The following SYT1 variants were observed in gnomAD, a reference collection of about 807,000 sequenced individuals.
The protein encoded by SYT1 is synaptotagmin-1.
SYT1 carries 8 observed loss-of-function variants against 44.8 expected under a neutral mutation model. The observed-to-expected ratio is 0.18, with a 90% CI of 0.10 to 0.32. SYT1 has a LOEUF of 0.32. SYT1 is among the 10% of genes least tolerant of loss of function. The pLI, the probability that SYT1 is intolerant of heterozygous loss-of-function variation, is 1.00. For synonymous variants in SYT1, 154 were observed against 188.8 expected, an observed-to-expected ratio of 0.82 and a Z score of 1.51; for missense variants, 286 against 509.3, an observed-to-expected ratio of 0.56 and a Z score of 4.22.
At chr12:78,872,591 T>C (rs1193936429) in intron 1 of SYT1, among the ~76,000 whole-genome samples, 1 of 151,818 alleles carries the variant, frequency 6.6e-6, no homozygotes, top group Non-Finnish European at 1.5e-5. Context: ...TCTCATGTCT[T>C]CTCTTCCTAC....
At chr12:79,012,347 A>G (rs568704681) in intron 2 of SYT1, among the ~76,000 whole-genome samples, 38 of 152,200 alleles carry the variant, frequency 2.5e-4, no homozygotes, top group African/African-American at 8.9e-4. Flanking sequence ...ACAGAAGACA[A>G]CTGTGGACTA....
At chr12:79,122,249 T>G (rs563779962) in intron 3 of SYT1, among the ~76,000 whole-genome samples, 13 of 152,086 alleles carry the variant, frequency 8.5e-5, no homozygotes, top group African/African-American at 3.1e-4. Flanking sequence ...GCGCGGTGGC[T>G]CACGCCTGTA....
intron 1 of SYT1, among the ~76,000 whole-genome samples, chr12:78,885,139 A>C (rs10861086): frequency 0.52 from 79,228 of 151,190 alleles, 20,901 homozygotes; most frequent in Non-Finnish European, 0.55. Context: ...TCTGAGCATT[A>C]GTTCAAAATG....
intron 3 of SYT1, among the ~76,000 whole-genome samples, chr12:79,183,166 A>G (rs1196321380): frequency 6.6e-6 from 1 of 152,052 alleles, no homozygotes; most frequent in African/African-American, 2.4e-5. Flanking sequence ...TGCACATTCC[A>G]TCTGAATGAA....
chr12:78,882,113 C>G (rs1488934293), intron 1 of SYT1, among the ~76,000 whole-genome samples: 1 of 151,752 alleles, frequency 6.6e-6, no homozygotes, highest in African/African-American at 2.4e-5. Flanking sequence ...GAAGCAGCCA[C>G]AATGCCAGTT....
chr12:79,063,205 C>A (rs1037914409), intron 3 of SYT1, among the ~76,000 whole-genome samples: 1 of 152,250 alleles, frequency 6.6e-6, no homozygotes, highest in African/African-American at 2.4e-5. Context: ...TGAAATATGA[C>A]CCTTTGTTAA....
At chr12:79,403,537 C>A (rs1224671026) in intron 9 of SYT1, among the ~76,000 whole-genome samples, 2 of 152,108 alleles carry the variant, frequency 1.3e-5, no homozygotes, top group African/African-American at 4.8e-5. Context: ...GACATTGTCT[C>A]CAAATACAAT....
intron 8 of SYT1, among the ~76,000 whole-genome samples, chr12:79,306,460 G>A (rs1299211394): frequency 6.6e-6 from 1 of 152,150 alleles, no homozygotes; most frequent in African/African-American, 2.4e-5. Flanking sequence ...GTTGATGATC[G>A]AATTGGGTAA....
intron 9 of SYT1, among the ~76,000 whole-genome samples, chr12:79,423,360 G>C (rs1040182614): frequency 6.6e-6 from 1 of 152,114 alleles, no homozygotes; most frequent in Non-Finnish European, 1.5e-5. Context: ...GAAAGAGAGA[G>C]ACTCTATAAT....
chr12:78,968,135 G>C (rs539954703), intron 1 of SYT1, among the ~76,000 whole-genome samples: 1 of 152,198 alleles, frequency 6.6e-6, no homozygotes, highest in South Asian at 2.1e-4. Flanking sequence ...GGAGTATATG[G>C]TTAAATAGGA....
chr12:79,428,908 C>G (rs1593059696), intron 9 of SYT1, among the ~76,000 whole-genome samples: 1 of 152,116 alleles, frequency 6.6e-6, no homozygotes, highest in Admixed American at 6.5e-5. Flanking sequence ...CCTCAGGAAG[C>G]TTCCAATTGT....
chr12:79,006,379 G>A (rs1467077121), intron 2 of SYT1, among the ~76,000 whole-genome samples: 1 of 152,100 alleles, frequency 6.6e-6, no homozygotes, highest in Non-Finnish European at 1.5e-5. Flanking sequence ...GTAAGAAGTG[G>A]TTCCCATAAT....
At chr12:79,434,113 G>A (rs1347282165) in intron 9 of SYT1, among the ~76,000 whole-genome samples, 1 of 152,070 alleles carries the variant, frequency 6.6e-6, no homozygotes, top group Non-Finnish European at 1.5e-5. Flanking sequence ...TTGCATTTAT[G>A]TTTTTTATCT....
chr12:79,120,373 T>A (rs1879528940), intron 3 of SYT1, among the ~76,000 whole-genome samples: 1 of 152,016 alleles, frequency 6.6e-6, no homozygotes, highest in Admixed American at 6.6e-5. Flanking sequence ...AATATTCCCA[T>A]GTAACAAATC....
intron 4 of SYT1, among the ~76,000 whole-genome samples, chr12:79,219,448 T>C (rs1170080000): frequency 1.3e-5 from 2 of 152,060 alleles, no homozygotes; most frequent in Non-Finnish European, 2.9e-5. Flanking sequence ...AAAATTTTTA[T>C]CCTGCATTTT....
At chr12:79,330,846 T>G (rs1881822773) in intron 8 of SYT1, among the ~76,000 whole-genome samples, 1 of 152,190 alleles carries the variant, frequency 6.6e-6, no homozygotes, top group Non-Finnish European at 1.5e-5. Flanking sequence ...CCAGATCACA[T>G]AGCTAGTAAG....
At chr12:79,029,146 T>G (rs1872694271) in intron 2 of SYT1, among the ~76,000 whole-genome samples, 1 of 151,240 alleles carries the variant, frequency 6.6e-6, no homozygotes, top group African/African-American at 2.4e-5. Context: ...GTATCAGTTA[T>G]GCCTTCAAAC....
chr12:79,217,437 T>G (rs1592862649), intron 3 of SYT1, 66 bp from the exon 4 acceptor site: 2 of 1,364,348 alleles, frequency 1.5e-6, no homozygotes, highest in East Asian at 5.3e-5. Context: ...ATCTCTGGGA[T>G]ACCTTTGATG....
chr12:79,156,471 C>CTTGTTG (rs996787500), intron 3 of SYT1, among the ~76,000 whole-genome samples: 1 of 147,652 alleles, frequency 6.8e-6, no homozygotes, highest in African/African-American at 2.5e-5. Flanking sequence ...TGTTGTTGTT[C>CTTGTTG]TTGTTGTTGT....
Sources: allele counts gnomAD v4.1 joint callset (sites outside exome capture counted in the v4.1 genomes callset), GRCh38; gene constraint gnomAD v4.1.1; transcripts MANE v1.5; gene names NCBI Gene and HGNC (gene_info 2026-07-23, HGNC 2026-07-21).